Variants in ANKHD1 observed in about 807,000 individuals in gnomAD.
The protein encoded by ANKHD1 is ankyrin repeat and KH domain containing 1.
A neutral mutation model predicts 230.5 loss-of-function variants in ANKHD1; 31 were observed. The observed-to-expected ratio is 0.13, with a 90% CI of 0.10 to 0.18. The LOEUF is 0.18. ANKHD1 is among the 10% of genes least tolerant of loss of function. ANKHD1 has a pLI of 1.00. For synonymous variants in ANKHD1, 1,074 were observed against 1,117.6 expected, an observed-to-expected ratio of 0.96 and a Z score of 0.78; for missense variants, 2,256 against 3,071.3, an observed-to-expected ratio of 0.73 and a Z score of 6.27.
At chr5:140,459,932 A>C (rs892500467) in intron 9 of ANKHD1, among the ~76,000 whole-genome samples, 1 of 152,210 alleles carries the variant, frequency 6.6e-6, no homozygotes, top group African/African-American at 2.4e-5. Context: ...ACTGATTTTT[A>C]AAAAGATTTC....
At chr5:140,408,494 G>T (rs954136502) in intron 1 of ANKHD1, among the ~76,000 whole-genome samples, 2 of 152,178 alleles carry the variant, frequency 1.3e-5, no homozygotes, top group Non-Finnish European at 1.5e-5. Context: ...ATAAAAGCAC[G>T]CAGAAATTGT....
At chr5:140,439,631 C>CTT (rs2062444280) in intron 3 of ANKHD1, among the ~76,000 whole-genome samples, 1 of 152,052 alleles carries the variant, frequency 6.6e-6, no homozygotes, top group Admixed American at 6.6e-5. Flanking sequence ...GATTGTGCCA[C>CTT]TGCATTCCAG....
intron 10 of ANKHD1, among the ~76,000 whole-genome samples, chr5:140,479,750 A>G (rs1031749442): frequency 6.7e-6 from 1 of 149,504 alleles, no homozygotes; most frequent in African/African-American, 2.4e-5. Context: ...ATATACTTAT[A>G]TATATACCTA....
At chr5:140,407,481 TG>T (rs1239805224) in intron 1 of ANKHD1, among the ~76,000 whole-genome samples, 1 of 151,570 alleles carries the variant, frequency 6.6e-6, no homozygotes, top group African/African-American at 2.4e-5. Context: ...CATAGTTCAC[TG>T]CAACCTCGAA....
chr5:140,406,647 T>G lies in ANKHD1; in HGVS notation c.306+4374T>G, dbSNP rs1217855475. Among the ~76,000 whole-genome samples, 3 of 151,712 alleles carry G rather than the reference T, an allele frequency of 2.0e-5. No homozygotes were observed. In the East Asian group the frequency reaches 5.8e-4, roughly 30 times the overall value. On this transcript the variant is annotated intron_variant, in intron 1 of 33. Transcript: ENST00000360839. ...GCAACCTCTGCTTCCTGCATTCAAG[T>G]GATTCTCCTGCCTCAGTAGTGAGAT...
chr5:140,516,283 A>G (rs1309268730), intron 24 of ANKHD1, among the ~76,000 whole-genome samples: 1 of 152,200 alleles, frequency 6.6e-6, no homozygotes, highest in African/African-American at 2.4e-5. Flanking sequence ...CCTCCAAGAA[A>G]TATGGGACTA....
At chr5:140,466,716 C>T (rs1309059364) in intron 10 of ANKHD1, among the ~76,000 whole-genome samples, 7 of 152,038 alleles carry the variant, frequency 4.6e-5, no homozygotes, top group South Asian at 2.1e-4. Context: ...GAGACCGAGG[C>T]GGACGGACCA....
intron 2 of ANKHD1, among the ~76,000 whole-genome samples, chr5:140,437,891 A>G (rs928369563): frequency 1.3e-5 from 2 of 152,218 alleles, no homozygotes; most frequent in Non-Finnish European, 2.9e-5. Flanking sequence ...TTCATGTTAT[A>G]TCATTAGTAG....
Position 140,529,149 on chromosome 5 carries a change from G to A in ANKHD1, c.6203G>A (p.Ser2068Asn), listed in dbSNP as rs1753715212. The A allele has an allele frequency of 6.2e-7, 1 of 1,614,136 alleles. No homozygotes were observed. The highest frequency in any genetic ancestry group is 8.5e-7 in the Non-Finnish European group (1 of 1,180,038). ...GGAGCTCCAGAAACTCACCCATCCA[G>A]TAGTCCCACTCCTACTTCCAGTAAC... ...TPGAPETHPS[S>N]SPTPTSSNTQ... Residue 2068 changes from serine to asparagine, a missense_variant, in exon 29 of 34, where the codon AGT becomes AAT. Coordinates refer to ENST00000360839, the MANE Select transcript of ANKHD1 (RefSeq NM_017747.3).
chr5:140,487,019 C>A lies in ANKHD1; in HGVS notation c.2204C>A (p.Thr735Asn). The A allele has an allele frequency of 6.2e-7, 1 of 1,613,598 alleles. No individual in the cohort carries two copies. Residue 735 changes from threonine to asparagine, a missense_variant, in exon 14 of 34, where the codon ACT becomes AAT. Thr to Asn is a moderately conservative substitution (Grantham distance 65). Around this residue, in one of 13 missense-constraint regions of ANKHD1, gnomAD observed 358 missense variants for 397.7 expected, o/e 0.90. Coordinates refer to ENST00000360839, the MANE Select transcript of ANKHD1 (RefSeq NM_017747.3). ...GTACCTCCCCAGGAACCTGACAGAACTTCACAGGAGAACTCTCCTGCCCTT... is the reference window on the plus strand; with the variant it reads ...GTACCTCCCCAGGAACCTGACAGAAATTCACAGGAGAACTCTCCTGCCCTT... ...MVVPPQEPDR[T>N]SQENSPALLG...
rs1305858908 is a variant in ANKHD1, at chr5:140,426,931, C to T, written c.307-9173C>T. The stretch of plus-strand genomic sequence containing the variant: ...ATGTCTACCTCTTTCTACACAGACA[C>T]GGCAACCATCCGATTTCTCAATCTT... On this transcript the variant is annotated intron_variant, in intron 1 of 33. Transcript: ENST00000360839. 5.3e-5 allele frequency among the ~76,000 whole-genome samples: 8 copies of T among 152,334 alleles called. No individual in the cohort carries two copies. The East Asian group carries it at 9.6e-4, about 18-fold the overall frequency.
intron 9 of ANKHD1, among the ~76,000 whole-genome samples, chr5:140,461,499 A>G (rs1775701513): frequency 1.3e-5 from 2 of 152,200 alleles, no homozygotes; most frequent in Non-Finnish European, 2.9e-5. Flanking sequence ...AATTAAAACA[A>G]ATTTAACAAC....
rs895055123 is a variant in ANKHD1, at chr5:140,485,333, G to A, written c.1998+85G>A. Reference sequence around the variant, plus strand: ...GCACTTTAGAAAGCTGAGGCGGGTGGATCACTTGAGCCCAGGAGTTTGAGA... The same window carrying A: ...GCACTTTAGAAAGCTGAGGCGGGTGAATCACTTGAGCCCAGGAGTTTGAGA... On this transcript the variant is annotated intron_variant, in intron 12 of 33. Transcript: ENST00000360839. The surrounding 1 kb of genome is among the most constrained non-coding windows in gnomAD (Gnocchi z 4.8). 2.7e-6 allele frequency: 4 copies of A among 1,481,658 alleles called. No individual in the cohort carries two copies. In the South Asian group the frequency reaches 4.0e-5, roughly 15 times the overall value. The allele number at this position is 1,481,658 out of a possible 1,614,324, so 91.8% of individuals were successfully genotyped here.
rs916073522 is a variant in ANKHD1, at chr5:140,506,295, G to A, written c.3408+426G>A. Among the ~76,000 whole-genome samples the A allele has an allele frequency of 6.6e-6, 1 of 151,776 alleles. No individual in the cohort carries two copies. Among genetic ancestry groups the A allele is most frequent in the Non-Finnish European group, 1.5e-5 (1 of 68,010 alleles). On this transcript the variant is annotated intron_variant, in intron 18 of 33. Transcript: ENST00000360839. This position sits in a 1 kb window ranked among gnomAD's most constrained non-coding sequence, Gnocchi z 4.7. Reference sequence around the variant, plus strand: ...TACTTCTGTTAACTTTTATGGGAATGTAAATGCCCTTTTTTTTTGGCGGGG... The same window carrying A: ...TACTTCTGTTAACTTTTATGGGAATATAAATGCCCTTTTTTTTTGGCGGGG...
intron 14 of ANKHD1, 59 bp from the exon 15 acceptor site, chr5:140,496,461 C>CTTTTTTT (rs770445733): frequency 3.3e-5 from 17 of 513,082 alleles, no homozygotes; most frequent in African/African-American, 1.0e-4. Context: ...TTTTTCTTTT[C>CTTTTTTT]TTTTTTTTTT....
chr5:140,485,332 G>A lies in ANKHD1; in HGVS notation c.1998+84G>A. On this transcript the variant is annotated intron_variant, in intron 12 of 33. Transcript: ENST00000360839. The surrounding 1 kb of genome is among the most constrained non-coding windows in gnomAD (Gnocchi z 4.8). The stretch of plus-strand genomic sequence containing the variant: ...AGCACTTTAGAAAGCTGAGGCGGGT[G>A]GATCACTTGAGCCCAGGAGTTTGAG... 1 of 1,486,820 alleles carries A rather than the reference G, an allele frequency of 6.7e-7. No homozygotes were observed. The highest frequency in any genetic ancestry group is 9.0e-7 in the Non-Finnish European group (1 of 1,115,306). 92.1% of individuals were successfully genotyped at this position (1,486,820 alleles called of 1,614,324 possible).
chr5:140,457,422 C>T (rs1775284044), intron 7 of ANKHD1, among the ~76,000 whole-genome samples: 2 of 152,158 alleles, frequency 1.3e-5, no homozygotes, highest in African/African-American at 4.8e-5. Context: ...TATTGCGGCA[C>T]TATTCACAAT....
At chr5:140,446,390 T>C (rs1295145683) in intron 6 of ANKHD1, among the ~76,000 whole-genome samples, 7 of 152,196 alleles carry the variant, frequency 4.6e-5, no homozygotes, top group Non-Finnish European at 7.3e-5. Context: ...AGACAGAATG[T>C]CGCTCTGTCA....
At chr5:140,461,945 A>G (rs1321192345) in intron 9 of ANKHD1, among the ~76,000 whole-genome samples, 2 of 152,086 alleles carry the variant, frequency 1.3e-5, no homozygotes, top group Non-Finnish European at 2.9e-5. Context: ...CTATTAATCA[A>G]TGTCTCTTAA....
Sources: allele counts gnomAD v4.1 joint callset (sites outside exome capture counted in the v4.1 genomes callset), GRCh38; gene constraint gnomAD v4.1.1; regional missense constraint gnomAD v4.1.1; non-coding constraint Gnocchi (gnomAD v3.1); transcripts MANE v1.5; gene names NCBI Gene and HGNC (gene_info 2026-07-23, HGNC 2026-07-21).